The following NRCAM variants were observed in gnomAD, a reference collection of about 807,000 sequenced individuals.
The protein encoded by NRCAM is NgCAM-related cell adhesion molecule.
In NRCAM, 83 loss-of-function variants were observed where a neutral mutation model predicts 156.5. The observed-to-expected ratio is 0.53, with a 90% CI of 0.44 to 0.64. The LOEUF (loss-of-function observed/expected upper bound fraction) is 0.64. Ranked by LOEUF, NRCAM falls within the 30% of genes least tolerant of loss-of-function variation. NRCAM has a pLI of 0.00. For synonymous variants in NRCAM, 538 were observed against 563.9 expected, an observed-to-expected ratio of 0.95 and a Z score of 0.65; for missense variants, 1,417 against 1,597.3, an observed-to-expected ratio of 0.89 and a Z score of 1.92.
At chr7:108,354,954 T>A (rs1473447243) in intron 2 of NRCAM, among the ~76,000 whole-genome samples, 1 of 151,872 alleles carries the variant, frequency 6.6e-6, no homozygotes, top group East Asian at 1.9e-4. Context: ...AAATGTAAAC[T>A]AAAATAATAC....
At chr7:108,280,091 G>A (rs3750140) in intron 3 of NRCAM, among the ~76,000 whole-genome samples, 6,041 of 152,258 alleles carry the variant, frequency 0.04, 175 homozygotes, top group South Asian at 0.11. Context: ...CCATTTAATA[G>A]TGAATACAAT....
chr7:108,356,692 T>C (rs1327081562), intron 2 of NRCAM, among the ~76,000 whole-genome samples: 5 of 152,174 alleles, frequency 3.3e-5, no homozygotes, highest in Non-Finnish European at 7.3e-5. Context: ...TATTAGTTTA[T>C]AAAAAGCATA....
At chr7:108,445,318 T>G (rs1273719805) in intron 1 of NRCAM, among the ~76,000 whole-genome samples, 1 of 152,206 alleles carries the variant, frequency 6.6e-6, no homozygotes, top group South Asian at 2.1e-4. Flanking sequence ...ATATATATTA[T>G]CATTTTTTGG....
intron 31 of NRCAM, among the ~76,000 whole-genome samples, chr7:108,160,043 C>A (rs554636498): frequency 6.6e-6 from 1 of 152,272 alleles, no homozygotes; most frequent in South Asian, 2.1e-4. Flanking sequence ...ACTCCATGAA[C>A]CTTCCCTGCA....
intron 11 of NRCAM, among the ~76,000 whole-genome samples, chr7:108,214,523 G>T (rs573637156): frequency 1.3e-5 from 2 of 152,108 alleles, no homozygotes; most frequent in South Asian, 4.2e-4. Flanking sequence ...CTGGCTAGTG[G>T]TCTATTTTGT....
chr7:108,183,016 T>C (rs2064347257), intron 22 of NRCAM, 96 bp from the exon 23 acceptor site: 1 of 992,624 alleles, frequency 1.0e-6, no homozygotes, highest in Non-Finnish European at 1.5e-6. Context: ...CTACAGAAAG[T>C]GATCATTGAA....
At chr7:108,167,821 A>T (rs987201789) in intron 29 of NRCAM, among the ~76,000 whole-genome samples, 1 of 152,200 alleles carries the variant, frequency 6.6e-6, no homozygotes, top group Non-Finnish European at 1.5e-5. Context: ...ATGCTCTCCC[A>T]AAGTATTAAT....
At chr7:108,232,547 T>G (rs1213929221) in intron 6 of NRCAM, 25 bp from the exon 7 acceptor site, 1 of 1,553,638 alleles carries the variant, frequency 6.4e-7, no homozygotes, top group Non-Finnish European at 8.7e-7. Context: ...AAGTGTTAAG[T>G]GTATTAATGG....
chr7:108,396,211 CAG>C (rs760599405), intron 2 of NRCAM, among the ~76,000 whole-genome samples: 4 of 152,240 alleles, frequency 2.6e-5, no homozygotes, highest in African/African-American at 7.2e-5. Flanking sequence ...AAGATTGAAA[CAG>C]GGAGAAATAT....
rs2094440898 is a variant in NRCAM, at chr7:108,232,352, G to C, written c.401C>G (p.Ser134Cys). ...TARNERGAAV[S>C]NNIVVRPSRS... ...GGATGGGCGGACAACAATGTTATTA[G>C]AAACTGCAGCTCCGCGTTCGTTCCT... Residue 134 changes from serine (S) to cysteine (C), a missense_variant, in exon 7 of 33, where the codon TCT becomes TGT. Ser to Cys is a moderately radical substitution (Grantham distance 112). This residue lies in a region of NRCAM where 1,238 missense variants were observed against 1,336.4 expected (regional missense o/e 0.93). Coordinates refer to ENST00000379028, the MANE Select transcript of NRCAM (RefSeq NM_001037132.4). The C allele has an allele frequency of 1.2e-6, 2 of 1,605,608 alleles. No homozygotes were observed. The highest frequency in any genetic ancestry group is 1.7e-6 in the Non-Finnish European group (2 of 1,177,390).
chr7:108,386,015 G>A (rs1363509806), intron 2 of NRCAM, among the ~76,000 whole-genome samples: 1 of 152,138 alleles, frequency 6.6e-6, no homozygotes, highest in African/African-American at 2.4e-5. Flanking sequence ...CCCCTAGGCT[G>A]AGCTGTCAGG....
At chr7:108,299,776 T>A (rs938892350) in intron 3 of NRCAM, among the ~76,000 whole-genome samples, 2 of 152,180 alleles carry the variant, frequency 1.3e-5, no homozygotes, top group Admixed American at 1.3e-4. Flanking sequence ...TCTTGTGAAC[T>A]AATTAAGCAT....
intron 1 of NRCAM, among the ~76,000 whole-genome samples, chr7:108,456,008 C>T (rs1388202408): frequency 1.3e-5 from 2 of 152,196 alleles, no homozygotes; most frequent in Non-Finnish European, 2.9e-5. Context: ...CACCCAAGCG[C>T]AGGTCCCCCT....
At chr7:108,168,423 TAAAAC>T (rs1354158128) in intron 28 of NRCAM, 21 bp from the exon 29 acceptor site, 1 of 1,576,038 alleles carries the variant, frequency 6.3e-7, no homozygotes, top group Non-Finnish European at 8.6e-7. Flanking sequence ...AATAGAAAAA[TAAAAC>T]AAACAATCAT....
chr7:108,235,837 T>C (rs977691173), intron 5 of NRCAM, among the ~76,000 whole-genome samples: 3 of 152,144 alleles, frequency 2.0e-5, no homozygotes. Flanking sequence ...CAAACATCCA[T>C]AGTGCTGAGG....
intron 1 of NRCAM, among the ~76,000 whole-genome samples, chr7:108,449,169 G>A (rs1343067654): frequency 6.6e-6 from 1 of 152,150 alleles, no homozygotes; most frequent in Non-Finnish European, 1.5e-5. Flanking sequence ...CAAGTGCCTC[G>A]CTTGGGCACT....
At chr7:108,442,229 A>G (rs1404832644) in intron 1 of NRCAM, among the ~76,000 whole-genome samples, 4 of 152,100 alleles carry the variant, frequency 2.6e-5, no homozygotes, top group Non-Finnish European at 4.4e-5. Flanking sequence ...CAGGGCAGAG[A>G]GCCCGGTGAG....
At chr7:108,197,909 C>T (rs1305910770) in intron 14 of NRCAM, 47 bp downstream of exon 14, 2 of 1,439,876 alleles carry the variant, frequency 1.4e-6, no homozygotes, top group Non-Finnish European at 1.9e-6. Context: ...AAAATAACAG[C>T]AGTCATTAAT....
At chr7:108,250,609 G>A (rs1393082615) in intron 3 of NRCAM, among the ~76,000 whole-genome samples, 2 of 151,818 alleles carry the variant, frequency 1.3e-5, no homozygotes, top group Non-Finnish European at 2.9e-5. Context: ...GAATGGTAGT[G>A]GGAGGGTGGT....
Sources: gnomAD v4.1 joint callset for allele counts (sites outside exome capture counted in the v4.1 genomes callset) on GRCh38, gnomAD v4.1.1 for gene constraint, gnomAD v4.1.1 regional missense constraint, MANE v1.5 for transcripts, NCBI Gene and HGNC (gene_info 2026-07-23, HGNC 2026-07-21) for gene names.